Variants in PRKACB observed in about 807,000 individuals in gnomAD.
PRKACB encodes protein kinase cAMP-activated catalytic subunit beta, also known as cAMP-dependent protein kinase catalytic subunit beta.
A neutral mutation model predicts 51.4 loss-of-function variants in PRKACB; 16 were observed. The observed-to-expected ratio is 0.31, with a 90% CI of 0.21 to 0.47. The LOEUF (loss-of-function observed/expected upper bound fraction) is 0.47, where lower values mean the gene tolerates loss of function less well. Among genes scored for constraint, PRKACB ranks in the 20% least tolerant of loss-of-function variants. PRKACB has a pLI of 1.00. For missense variants in PRKACB, 309 were observed against 464.5 expected (o/e 0.67, Z 3.08); for synonymous variants, 147 against 154.4 (o/e 0.95, Z 0.35).
intron 1 of PRKACB, among the ~76,000 whole-genome samples, chr1:84,116,285 C>G (rs1650631740): frequency 6.6e-6 from 1 of 152,122 alleles, no homozygotes; most frequent in Admixed American, 6.6e-5. Flanking sequence ...TGTGATGCCT[C>G]CAGCTTCGTT....
chr1:84,237,526 C>T lies in PRKACB; in HGVS notation c.*2221C>T, dbSNP rs1313279761. 1 of 152,122 alleles carries T rather than the reference C, an allele frequency of 6.6e-6. No homozygotes were observed. The highest frequency in any genetic ancestry group is 1.5e-5 in the Non-Finnish European group (1 of 67,962). 9.4% of individuals were successfully genotyped at this position (152,122 alleles called of 1,614,324 possible). A position where few individuals can be genotyped will look rare whatever the true frequency, so the allele number is the denominator to read the frequency against. On this transcript the variant is annotated 3_prime_UTR_variant, in exon 10 of 10. Transcript: ENST00000370685. Reference sequence around the variant, plus strand: ...ACGTTGGTTTTGAGGGCTATTCAGCCATTCCATTTTACTCTCTATTTAAAG... The same window carrying T: ...ACGTTGGTTTTGAGGGCTATTCAGCTATTCCATTTTACTCTCTATTTAAAG...
intron 1 of PRKACB, among the ~76,000 whole-genome samples, chr1:84,128,736 A>G (rs1651884530): frequency 6.6e-6 from 1 of 152,178 alleles, no homozygotes; most frequent in African/African-American, 2.4e-5. Context: ...AGAGGAAACC[A>G]AAGATTATAG....
At chr1:84,225,063 G>A (rs1471716120) in intron 9 of PRKACB, among the ~76,000 whole-genome samples, 1 of 152,198 alleles carries the variant, frequency 6.6e-6, no homozygotes, top group East Asian at 1.9e-4. Context: ...CCCAGGTGGT[G>A]TGCTAGGGCA....
At chr1:84,175,126 A>G in intron 1 of PRKACB, 2 of 1,285,578 alleles carry the variant, frequency 1.6e-6, no homozygotes, top group Non-Finnish European at 2.0e-6. Flanking sequence ...GCAAGTTTTT[A>G]TTTTCCTTAT....
Position 84,144,497 on chromosome 1 carries a change from G to A in PRKACB, c.136G>A (p.Glu46Lys), listed in dbSNP as rs746333787. 14 of 1,610,500 alleles carry A rather than the reference G, an allele frequency of 8.7e-6. No individual in the cohort carries two copies. Among genetic ancestry groups the A allele is most frequent in the Non-Finnish European group, 1.1e-5 (13 of 1,178,802 alleles). ...TGCACATGATCAGAAAACAGCTCTG[G>A]AAAATGACAGCCTTCATTTCTCTGA... ...GTAHDQKTALENDSLHFSEHT... is the reference protein window; with the variant it reads ...GTAHDQKTALKNDSLHFSEHT... Residue 46 changes from glutamate (E) to lysine (K), a missense_variant, in exon 1 of 10, where the codon GAA (glutamate) becomes AAA (lysine). Glu to Lys is a moderately conservative substitution (Grantham distance 56). This residue lies in a region of PRKACB where 153 missense variants were observed against 190.2 expected (regional missense o/e 0.80). Transcript: ENST00000370685.
At position 84,235,636 on chromosome 1, in the gene PRKACB, T is replaced by C. The variant is rs1439775516; in HGVS notation, c.*331T>C. 4.9e-6 allele frequency: 1 copy of C among 205,982 alleles called. No individual in the cohort carries two copies. The highest frequency in any genetic ancestry group is 2.3e-5 in the African/African-American group (1 of 42,838). 12.8% of individuals were successfully genotyped at this position (205,982 alleles called of 1,614,324 possible). A position where few individuals can be genotyped will look rare whatever the true frequency, so the allele number is the denominator to read the frequency against. ...AGTGCTCCATTTTATTTTGTTGGTG[T>C]TTCAGATGGGCAGTGTTATGGCTAC... On this transcript the variant is annotated 3_prime_UTR_variant, in exon 10 of 10. Transcript: ENST00000370685.
intron 1 of PRKACB, chr1:84,164,868 C>A: frequency 1.4e-6 from 2 of 1,379,900 alleles, no homozygotes; most frequent in South Asian, 2.0e-5. Context: ...AAAGAAAGCT[C>A]TTTTCGTTTT....
chr1:84,229,621 A>G (rs1675256383), intron 9 of PRKACB, among the ~76,000 whole-genome samples: 1 of 151,670 alleles, frequency 6.6e-6, no homozygotes, highest in Non-Finnish European at 1.5e-5. Flanking sequence ...AATGTTTGCC[A>G]TTCTAACTGG....
chr1:84,185,079 T>A, intron 4 of PRKACB, 21 bp from the exon 5 acceptor site: 1 of 1,381,960 alleles, frequency 7.2e-7, no homozygotes, highest in Non-Finnish European at 9.8e-7. Flanking sequence ...ATAATTGTAT[T>A]TCCTTTTTAT....
chr1:84,207,808 A>G lies in PRKACB; in HGVS notation c.906+5003A>G, dbSNP rs546400939. ...TATCAACTTTGTAATTTCTGTGATT[A>G]AGCTTAGTGTAAACAAATTTGATTT... On this transcript the variant is annotated intron_variant, in intron 8 of 9. Transcript: ENST00000370685. 1.0e-3 allele frequency among the ~76,000 whole-genome samples: 159 copies of G among 152,268 alleles called. 1 individual carries two copies. The highest frequency in any genetic ancestry group is 3.7e-3 in the Admixed American group (56 of 15,288).
At chr1:84,202,068 G>A (rs1045105772) in intron 7 of PRKACB, among the ~76,000 whole-genome samples, 1 of 151,958 alleles carries the variant, frequency 6.6e-6, no homozygotes, top group Non-Finnish European at 1.5e-5. Flanking sequence ...TAGGAAGCAA[G>A]ACAGTAGATA....
At chr1:84,210,983 T>A (rs1005540682) in intron 8 of PRKACB, among the ~76,000 whole-genome samples, 1 of 152,134 alleles carries the variant, frequency 6.6e-6, no homozygotes, top group African/African-American at 2.4e-5. Flanking sequence ...ATTATTAACA[T>A]GAACCACTAT....
chr1:84,115,416 G>T (rs1395176658), intron 1 of PRKACB, among the ~76,000 whole-genome samples: 1 of 151,654 alleles, frequency 6.6e-6, no homozygotes, highest in African/African-American at 2.4e-5. Flanking sequence ...GTATATGCTG[G>T]ATATTAGTCC....
intron 1 of PRKACB, among the ~76,000 whole-genome samples, chr1:84,123,836 G>A (rs1415929670): frequency 6.6e-6 from 1 of 152,094 alleles, no homozygotes; most frequent in Non-Finnish European, 1.5e-5. Context: ...ACAACATTTA[G>A]AATATGTTAC....
At chr1:84,168,222 T>A (rs1043914358) in intron 1 of PRKACB, among the ~76,000 whole-genome samples, 3 of 151,582 alleles carry the variant, frequency 2.0e-5, no homozygotes, top group Non-Finnish European at 4.4e-5. Flanking sequence ...CTGACTGGAA[T>A]CATAACAGTA....
At chr1:84,078,349 G>T (rs1345417617) in exon 1 of PRKACB, 12 of 1,612,382 alleles carry the variant, frequency 7.4e-6, no homozygotes, top group Non-Finnish European at 9.3e-6. Flanking sequence ...CGACCGCCAA[G>T]AAAGGCAGCG....
intron 5 of PRKACB, among the ~76,000 whole-genome samples, chr1:84,185,901 A>G (rs576106040): frequency 5.5e-4 from 84 of 152,338 alleles, no homozygotes; most frequent in Admixed American, 1.8e-3. Context: ...TCTAAATTCA[A>G]CATTTTATTG....
chr1:84,179,692 G>T (rs1373978261), intron 2 of PRKACB, among the ~76,000 whole-genome samples: 1 of 151,636 alleles, frequency 6.6e-6, no homozygotes, highest in Non-Finnish European at 1.5e-5. Flanking sequence ...TATAATTAAA[G>T]TATTTTAGAT....
chr1:84,175,181 A>G (rs1660810782), intron 1 of PRKACB: 15 of 934,028 alleles, frequency 1.6e-5, no homozygotes, highest in Non-Finnish European at 2.1e-5. Flanking sequence ...AAATATTTTC[A>G]TTGATGAAGG....
Sources: gnomAD v4.1 joint callset for allele counts (sites outside exome capture counted in the v4.1 genomes callset) on GRCh38, gnomAD v4.1.1 for gene constraint, gnomAD v4.1.1 regional missense constraint, MANE v1.5 for transcripts, NCBI Gene and HGNC (gene_info 2026-07-23, HGNC 2026-07-21) for gene names.